The following PRKG1 variants were observed in gnomAD, a reference collection of about 807,000 sequenced individuals.
PRKG1 encodes the protein protein kinase cGMP-dependent 1.
Under a neutral mutation model 88.1 loss-of-function variants are expected in PRKG1, and 35 were observed. The observed-to-expected ratio is 0.40, with a 90% CI of 0.30 to 0.53. PRKG1 has a LOEUF of 0.53. PRKG1 is among the 20% of genes least tolerant of loss of function. The pLI is 0.59. For missense variants in PRKG1, 540 were observed against 839.8 expected (o/e 0.64, Z 4.41); for synonymous variants, 303 against 292.5 (o/e 1.04, Z -0.37).
At chr10:51,076,261 A>G (rs1260953375) in intron 1 of PRKG1, among the ~76,000 whole-genome samples, 1 of 152,198 alleles carries the variant, frequency 6.6e-6, no homozygotes, top group Non-Finnish European at 1.5e-5. Context: ...GAAAGAGACA[A>G]TAAGGATAAA....
intron 1 of PRKG1, among the ~76,000 whole-genome samples, chr10:51,076,455 T>C (rs183637568): frequency 1.8e-3 from 280 of 152,312 alleles, no homozygotes; most frequent in African/African-American, 6.4e-3. Context: ...AAGTTTTGCA[T>C]AATGAAAAAA....
intron 2 of PRKG1, among the ~76,000 whole-genome samples, chr10:51,422,449 C>T (rs1303931103): frequency 6.6e-6 from 1 of 152,162 alleles, no homozygotes; most frequent in African/African-American, 2.4e-5. Context: ...GGCCCCATCC[C>T]CTCTGCTTTG....
At chr10:51,667,801 T>G (rs191945793) in intron 3 of PRKG1, among the ~76,000 whole-genome samples, 4 of 152,336 alleles carry the variant, frequency 2.6e-5, no homozygotes, top group Non-Finnish European at 5.9e-5. Flanking sequence ...GCATCATTTG[T>G]CTTTTCCTAA....
chr10:52,213,253 T>A (rs890295418), intron 9 of PRKG1, among the ~76,000 whole-genome samples: 3 of 152,186 alleles, frequency 2.0e-5, no homozygotes, highest in Admixed American at 2.0e-4. Context: ...TTGATAGCTT[T>A]ACAAACTGAG....
chr10:51,693,874 T>A (rs1453153850), intron 3 of PRKG1, among the ~76,000 whole-genome samples: 1 of 152,098 alleles, frequency 6.6e-6, no homozygotes, highest in Non-Finnish European at 1.5e-5. Context: ...TGTTTCAGGG[T>A]GCATAAAAAC....
intron 2 of PRKG1, among the ~76,000 whole-genome samples, chr10:51,337,200 C>A (rs1841898016): frequency 6.6e-6 from 1 of 152,118 alleles, no homozygotes; most frequent in Non-Finnish European, 1.5e-5. Flanking sequence ...AGAGAACTGG[C>A]TAGTCATATG....
intron 3 of PRKG1, among the ~76,000 whole-genome samples, chr10:51,469,028 C>T (rs1839979686): frequency 6.6e-6 from 1 of 151,748 alleles, no homozygotes; most frequent in South Asian, 2.1e-4. Context: ...AAGCATAGGA[C>T]TCTTTTGATT....
At chr10:51,866,278 C>T (rs900568827) in intron 4 of PRKG1, among the ~76,000 whole-genome samples, 10 of 151,930 alleles carry the variant, frequency 6.6e-5, no homozygotes, top group Non-Finnish European at 1.3e-4. Context: ...TAAGCATTCT[C>T]ATTTAAATAA....
intron 3 of PRKG1, among the ~76,000 whole-genome samples, chr10:51,626,905 T>A (rs915227530): frequency 6.6e-6 from 1 of 152,186 alleles, no homozygotes; most frequent in Non-Finnish European, 1.5e-5. Flanking sequence ...GGGCTCTTTT[T>A]TTGTTCATTA....
rs572752205 is a variant in PRKG1, at chr10:51,639,324, C to G, written c.593-165261C>G. Among the ~76,000 whole-genome samples, 96 of 151,354 alleles carry G rather than the reference C, an allele frequency of 6.3e-4. 1 individual carries two copies. Among genetic ancestry groups the G allele is most frequent in the Non-Finnish European group, 9.9e-4 (67 of 67,852 alleles). ...TGGCGGGCGCCTGTAGTCCCAGCTA[C>G]TTGGGAGGCTGAGGCAGGAGAATGG... On this transcript the variant is annotated intron_variant, in intron 3 of 17. Coordinates refer to ENST00000373980, the MANE Select transcript of PRKG1 (RefSeq NM_006258.4).
chr10:51,151,174 C>T (rs1308168794), intron 1 of PRKG1, among the ~76,000 whole-genome samples: 1 of 148,076 alleles, frequency 6.8e-6, no homozygotes, highest in Non-Finnish European at 1.5e-5. Context: ...AAAGAGAAAA[C>T]GTAATGCAAT....
chr10:51,466,656 T>C (rs559110239), intron 2 of PRKG1, among the ~76,000 whole-genome samples: 1 of 152,208 alleles, frequency 6.6e-6, no homozygotes, highest in East Asian at 1.9e-4. Context: ...CAAAGATTAT[T>C]GCCTAGATAA....
chr10:52,271,224 CTGTGTTT>C, intron 10 of PRKG1, 119 bp from the exon 11 acceptor site: 1 of 965,250 alleles, frequency 1.0e-6, no homozygotes, highest in Non-Finnish European at 1.5e-6. Flanking sequence ...CAAGGATTTA[CTGTGTTT>C]TGACTTGGGA....
At chr10:51,517,613 G>A (rs181795865) in intron 3 of PRKG1, among the ~76,000 whole-genome samples, 1 of 152,200 alleles carries the variant, frequency 6.6e-6, no homozygotes, top group Non-Finnish European at 1.5e-5. Flanking sequence ...ATGCAAATCA[G>A]TTATTTAAAG....
chr10:51,546,327 C>T (rs1446968383), intron 3 of PRKG1, among the ~76,000 whole-genome samples: 1 of 151,948 alleles, frequency 6.6e-6, no homozygotes, highest in Non-Finnish European at 1.5e-5. Flanking sequence ...GAGGTTTAGT[C>T]TGAAAATGGA....
chr10:51,693,287 CAAAAA>C (rs762828746), intron 3 of PRKG1, among the ~76,000 whole-genome samples: 893 of 70,602 alleles, frequency 0.013, 10 homozygotes, highest in African/African-American at 0.036. Flanking sequence ...GACACCACCT[CAAAAA>C]AAAAAAAAAA....
chr10:52,233,424 T>C, intron 9 of PRKG1, among the ~76,000 whole-genome samples: 4 of 148,944 alleles, frequency 2.7e-5, no homozygotes, highest in South Asian at 2.2e-4. Context: ...CACTAGGGAG[T>C]GCCAGACAGT....
At chr10:51,837,582 G>A (rs1337738654) in intron 4 of PRKG1, among the ~76,000 whole-genome samples, 1 of 152,066 alleles carries the variant, frequency 6.6e-6, no homozygotes, top group Non-Finnish European at 1.5e-5. Context: ...CTCCATTGGG[G>A]TAAGGCCCAT....
intron 9 of PRKG1, among the ~76,000 whole-genome samples, chr10:52,226,227 A>C (rs1008802410): frequency 1.3e-5 from 2 of 152,160 alleles, no homozygotes; most frequent in African/African-American, 4.8e-5. Context: ...AAAATGTTCA[A>C]AATAATTTCA....
Sources: gnomAD v4.1 joint callset for allele counts (sites outside exome capture counted in the v4.1 genomes callset) on GRCh38, gnomAD v4.1.1 for gene constraint, MANE v1.5 for transcripts, NCBI Gene and HGNC (gene_info 2026-07-23, HGNC 2026-07-21) for gene names.